CAMTA1: variants seen among roughly 807,000 people sequenced by gnomAD.
CAMTA1 encodes calmodulin binding transcription activator 1, also known as calmodulin-binding transcription activator 1.
In CAMTA1, 27 loss-of-function variants were observed where a neutral mutation model predicts 170.9. The ratio of observed to expected loss-of-function variants is 0.16; its 90% CI spans 0.12 to 0.22. The LOEUF (loss-of-function observed/expected upper bound fraction) is 0.22, where lower values mean the gene tolerates loss of function less well. CAMTA1 is among the 10% of genes least tolerant of loss of function. CAMTA1 has a pLI of 1.00. For missense variants in CAMTA1, 1,619 were observed against 2,217.2 expected (o/e 0.73, Z 5.42); for synonymous variants, 833 against 891.5 (o/e 0.93, Z 1.17).
chr1:7,603,086 G>C (rs1264243803), intron 6 of CAMTA1, among the ~76,000 whole-genome samples: 1 of 152,190 alleles, frequency 6.6e-6, no homozygotes, highest in Non-Finnish European at 1.5e-5. Flanking sequence ...ATTTGCTGAG[G>C]AGTGCTTTAC....
At chr1:6,846,630 A>G (rs1658271239) in intron 3 of CAMTA1, among the ~76,000 whole-genome samples, 2 of 152,250 alleles carry the variant, frequency 1.3e-5, no homozygotes, top group African/African-American at 4.8e-5. Context: ...CCCAAAACAC[A>G]GGTTATTTCT....
chr1:6,871,750 T>G, intron 3 of CAMTA1: 1 of 1,534,846 alleles, frequency 6.5e-7, no homozygotes, highest in Non-Finnish European at 8.7e-7. Context: ...GCTCCTTTGT[T>G]TTGCAGAGAT....
intron 5 of CAMTA1, among the ~76,000 whole-genome samples, chr1:7,369,363 G>GTCAT (rs1030092738): frequency 6.6e-6 from 1 of 152,148 alleles, no homozygotes; most frequent in Non-Finnish European, 1.5e-5. Context: ...GTTTGAGGGG[G>GTCAT]TCATTCACAA....
chr1:7,042,993 A>C (rs7525088), intron 3 of CAMTA1, among the ~76,000 whole-genome samples: 21,441 of 151,694 alleles, frequency 0.14, 2,044 homozygotes, highest in African/African-American at 0.27. Context: ...CAACCAAACC[A>C]CCCCCCAAGT....
chr1:7,308,769 T>A (rs12026592), intron 5 of CAMTA1, among the ~76,000 whole-genome samples: 1 of 152,028 alleles, frequency 6.6e-6, no homozygotes, highest in East Asian at 1.9e-4. Flanking sequence ...GAATATTCCA[T>A]GTATAATTAA....
At position 7,577,019 on chromosome 1, in the gene CAMTA1, T is replaced by G. The variant is rs561096424; in HGVS notation, c.511-63381T>G. On this transcript the variant is annotated intron_variant, in intron 6 of 22. Transcript: ENST00000303635. ...CCAGCTAATGCCTTTGTGGTTATTC[T>G]TTGCTGAACGCCACAACTCCTCAAG... Among the ~76,000 whole-genome samples, 12 of 152,336 alleles carry G rather than the reference T, an allele frequency of 7.9e-5. No individual in the cohort carries two copies. The East Asian group carries it at 2.3e-3, about 29-fold the overall frequency.
Position 7,748,238 on chromosome 1 carries a change from AAAACAAACAAACAAAC to A in CAMTA1, c.4689+477_4689+492del, listed in dbSNP as rs138857646. ...GAGACTTAATTTGAACTGCCATGATAAAACAAACAAACAAACAAACAAACAAACAAACAAAAACAGG... is the reference window on the plus strand; with the variant it reads ...GAGACTTAATTTGAACTGCCATGATAAAACAAACAAACAAACAAAAACAGG... On this transcript the variant is annotated intron_variant, in intron 19 of 22. Transcript: ENST00000303635. This position sits in a 1 kb window ranked among gnomAD's most constrained non-coding sequence, Gnocchi z 4.7. Among the ~76,000 whole-genome samples, 33 of 150,996 alleles carry A rather than the reference AAAACAAACAAACAAAC, an allele frequency of 2.2e-4. No individual in the cohort carries two copies. Among genetic ancestry groups the A allele is most frequent in the African/African-American group, 7.8e-4 (32 of 41,076 alleles).
intron 4 of CAMTA1, among the ~76,000 whole-genome samples, chr1:7,181,195 T>G (rs1003025484): frequency 6.0e-4 from 91 of 152,238 alleles, no homozygotes; most frequent in Non-Finnish European, 1.8e-4. Context: ...AAATTCAATA[T>G]GCATTCCTGA....
chr1:7,148,438 C>T (rs1197166439), intron 4 of CAMTA1, among the ~76,000 whole-genome samples: 3 of 149,742 alleles, frequency 2.0e-5, no homozygotes, highest in African/African-American at 4.9e-5. Context: ...CCCCCCGCCA[C>T]GCTCCCCGCC....
intron 5 of CAMTA1, among the ~76,000 whole-genome samples, chr1:7,424,647 C>T (rs1411032059): frequency 6.6e-6 from 1 of 152,142 alleles, no homozygotes; most frequent in African/African-American, 2.4e-5. Flanking sequence ...GCTAAACCCT[C>T]TCCTTCCTTC....
intron 6 of CAMTA1, among the ~76,000 whole-genome samples, chr1:7,499,393 A>ATGTGTGTACATGAGTGTGTAGAGAGGAT: frequency 1.0e-5 from 1 of 95,308 alleles, no homozygotes; most frequent in Non-Finnish European, 2.1e-5. Flanking sequence ...GTGTGTGTGC[A>ATGTGTGTACATGAGTGTGTAGAGAGGAT]TGTGTGTACA....
At chr1:7,244,531 C>A (rs1436316209) in intron 4 of CAMTA1, among the ~76,000 whole-genome samples, 2 of 152,160 alleles carry the variant, frequency 1.3e-5, no homozygotes, top group African/African-American at 4.8e-5. Flanking sequence ...GAAAATGTGG[C>A]ACATATATAC....
chr1:7,245,808 G>C (rs552563603), intron 4 of CAMTA1, among the ~76,000 whole-genome samples: 2 of 152,120 alleles, frequency 1.3e-5, no homozygotes, highest in Non-Finnish European at 2.9e-5. Context: ...ACTTGAGTGT[G>C]AACAGTTTAT....
intron 6 of CAMTA1, among the ~76,000 whole-genome samples, chr1:7,616,381 T>C (rs892664147): frequency 6.6e-6 from 1 of 152,256 alleles, no homozygotes; most frequent in Non-Finnish European, 1.5e-5. Flanking sequence ...TCTTGGGTAG[T>C]CGTGGAGGTT....
intron 6 of CAMTA1, among the ~76,000 whole-genome samples, chr1:7,545,957 C>CT (rs70987353): frequency 0.19 from 24,829 of 131,400 alleles, 2,762 homozygotes; most frequent in Non-Finnish European, 0.25. Flanking sequence ...CTTTTCTTTT[C>CT]TTTTTTTTTT....
At chr1:7,117,038 G>A (rs572360249) in intron 4 of CAMTA1, among the ~76,000 whole-genome samples, 1 of 150,922 alleles carries the variant, frequency 6.6e-6, no homozygotes, top group South Asian at 2.1e-4. Flanking sequence ...GCACAGTCTC[G>A]GCTCACTGCA....
chr1:6,924,942 T>C (rs1167797077), intron 3 of CAMTA1, among the ~76,000 whole-genome samples: 1 of 152,186 alleles, frequency 6.6e-6, no homozygotes, highest in African/African-American at 2.4e-5. Context: ...TGGTGTAGCT[T>C]TCTTGGATAT....
chr1:7,621,917 C>G (rs78110250), intron 6 of CAMTA1, among the ~76,000 whole-genome samples: 3,063 of 152,288 alleles, frequency 0.02, 91 homozygotes, highest in African/African-American at 0.069. Flanking sequence ...CTAGAGAGAA[C>G]GAATATGCTA....
At chr1:7,071,193 A>T (rs1292787212) in intron 3 of CAMTA1, among the ~76,000 whole-genome samples, 1 of 152,150 alleles carries the variant, frequency 6.6e-6, no homozygotes, top group African/African-American at 2.4e-5. Context: ...GAGGATTTGG[A>T]CGTGTTTCTT....
Sources: gnomAD v4.1 joint callset for allele counts (sites outside exome capture counted in the v4.1 genomes callset) on GRCh38, gnomAD v4.1.1 for gene constraint, Gnocchi (gnomAD v3.1) non-coding constraint, MANE v1.5 for transcripts, NCBI Gene and HGNC (gene_info 2026-07-23, HGNC 2026-07-21) for gene names.